FCSK: variants seen among roughly 807,000 people sequenced by gnomAD.
FCSK encodes the protein fucose kinase, also known as L-fucose kinase.
FCSK carries 123 observed loss-of-function variants against 122.5 expected under a neutral mutation model. The observed-to-expected ratio is 1.00, with a 90% CI of 0.87 to 1.17. The LOEUF (loss-of-function observed/expected upper bound fraction) is 1.17. FCSK is among the 50% of genes most tolerant of loss of function. FCSK has a pLI of 0.00. For synonymous variants in FCSK, 620 were observed against 625.5 expected (o/e 0.99, Z 0.13); for missense variants, 1,366 against 1,450.4 (o/e 0.94, Z 0.95).
In FCSK at chr16:70,474,574, C is replaced by T. The variant is rs1268349279; in HGVS notation, c.2035C>T (p.Gln679Ter). 2 of 1,559,896 alleles carry T rather than the reference C, an allele frequency of 1.3e-6. No homozygotes were observed. Among genetic ancestry groups the T allele is most frequent in the Non-Finnish European group, 1.7e-6 (2 of 1,151,904 alleles). The change falls in exon 17 of 24, where the codon CAG (glutamine) becomes TAG (stop). Residue 679 changes from glutamine (Q) to a stop codon, truncating the protein, a stop_gained. Transcript: ENST00000288078. LOFTEE classifies it high-confidence loss of function. ...GGCCCGCCACTATGAGGGGGCTGGT[C>T]AGATCCTGATCCGCCAGGCTGTGAT... Reference protein sequence around the residue: ...RAARHYEGAGQILIRQAVMSA... With the variant: ...RAARHYEGAG
Position 70,471,053 on chromosome 16 carries a change from T to C in FCSK, c.1151T>C (p.Leu384Pro), listed in dbSNP as rs1449592189. ...GPVQLGPGSV[L>P]QHCHLQGPIH... ...GTCCAGCTGGGTCCTGGGAGCGTCCTGCAGCACTGCCACCTGCAGGTGAGG... is the reference window on the plus strand; with the variant it reads ...GTCCAGCTGGGTCCTGGGAGCGTCCCGCAGCACTGCCACCTGCAGGTGAGG... The change falls in exon 12 of 24, where the codon CTG becomes CCG. Residue 384 changes from leucine to proline, a missense_variant. By Grantham distance (98) the Leu-to-Pro change is moderately conservative. Coordinates refer to ENST00000288078, the MANE Select transcript of FCSK (RefSeq NM_145059.3). The C allele has an allele frequency of 1.9e-6, 3 of 1,602,088 alleles. No individual in the cohort carries two copies. The highest frequency in any genetic ancestry group is 2.7e-5 in the African/African-American group (2 of 74,996).
At chr16:70,467,239 A>G (rs1382248486) in intron 6 of FCSK, 135 bp from the exon 7 acceptor site, 4 of 653,690 alleles carry the variant, frequency 6.1e-6, no homozygotes, top group Non-Finnish European at 1.1e-5. Flanking sequence ...GCGAATGTCC[A>G]TTTGGCTTGG....
chr16:70,478,210 T>G, intron 20 of FCSK, 62 bp from the exon 21 acceptor site: 1 of 1,563,294 alleles, frequency 6.4e-7, no homozygotes, highest in Non-Finnish European at 8.7e-7. Flanking sequence ...GCCGGGAGCC[T>G]AGGCTGGGAG....
chr16:70,456,160 C>T (rs554635806), intron 1 of FCSK, among the ~76,000 whole-genome samples: 32 of 152,286 alleles, frequency 2.1e-4, no homozygotes, highest in African/African-American at 7.2e-4. Context: ...GTGACAGAGC[C>T]GGACCCTGTT....
chr16:70,479,069 C>A, intron 22 of FCSK, 111 bp from the exon 23 acceptor site: 1 of 859,558 alleles, frequency 1.2e-6, no homozygotes, highest in South Asian at 1.6e-5. Flanking sequence ...TGGAATCCGG[C>A]TTCTTTACCA....
chr16:70,472,810 T>G (rs573877929), intron 14 of FCSK, among the ~76,000 whole-genome samples, 173 bp from the exon 15 acceptor site: 1 of 152,268 alleles, frequency 6.6e-6, no homozygotes, highest in East Asian at 1.9e-4. Flanking sequence ...GGCTTTCTTG[T>G]TCAATGGTCT....
In FCSK at chr16:70,473,730, G is replaced by A. The variant is rs932762387; in HGVS notation, c.1777+377G>A. Among the ~76,000 whole-genome samples, 1 of 152,168 alleles carries A rather than the reference G, an allele frequency of 6.6e-6. No homozygotes were observed. The highest frequency in any genetic ancestry group is 2.4e-5 in the African/African-American group (1 of 41,444). ...TGCATGAGGTCCCAAGCACACTTCC[G>A]GGGGCTCACAGCCTTAGCCTCCTAG... is the stretch of plus-strand genomic sequence containing the variant. On this transcript the variant is annotated intron_variant, in intron 15 of 23. Transcript: ENST00000288078. The surrounding 1 kb of genome is among the most constrained non-coding windows in gnomAD (Gnocchi z 4.9).
intron 3 of FCSK, among the ~76,000 whole-genome samples, chr16:70,464,855 G>A (rs1291310777): frequency 3.9e-5 from 6 of 152,132 alleles, no homozygotes; most frequent in Non-Finnish European, 1.5e-5. Flanking sequence ...TCCAGACTGG[G>A]TGACAGAGTG....
In FCSK at chr16:70,461,637, C is replaced by T. The variant is rs1479397433; in HGVS notation, c.-22-1532C>T. On this transcript the variant is annotated intron_variant, in intron 1 of 23. Transcript: ENST00000288078. ...CTGCAGCTCTGAGTGCATATGCGCT[C>T]CCCACAGCTGCCCCCTTCTCCGGGG... Among the ~76,000 whole-genome samples, 5 of 152,156 alleles carry T rather than the reference C, an allele frequency of 3.3e-5. 1 individual carries two copies. In the East Asian group the frequency reaches 9.6e-4, roughly 29 times the overall value.
Position 70,474,322 on chromosome 16 carries a change from G to A in FCSK, c.1971G>A (p.Arg657=), listed in dbSNP as rs1194365274. ...AAGVEALAQE[R]DKWLSRPALL... is the part of the protein sequence containing the mutation. ...GCGTGGAGGCGCTTGCCCAGGAGAGGGACAAGTGGCTAAGCAGGTGTGTAC... is the reference window on the plus strand; with the variant it reads ...GCGTGGAGGCGCTTGCCCAGGAGAGAGACAAGTGGCTAAGCAGGTGTGTAC... Residue 657 remains arginine (R), a synonymous_variant, in exon 16 of 24, where the codon AGG becomes AGA. Transcript: ENST00000288078. 1 of 1,613,492 alleles carries A rather than the reference G, an allele frequency of 6.2e-7. No homozygotes were observed. Among genetic ancestry groups the A allele is most frequent in the Non-Finnish European group, 8.5e-7 (1 of 1,179,918 alleles).
In FCSK at chr16:70,460,551, C is replaced by T. The variant is rs186953618; in HGVS notation, c.-22-2618C>T. On this transcript the variant is annotated intron_variant, in intron 1 of 23. Transcript: ENST00000288078. ...TCCTGAGTAGCTGGGACTACAGGCA[C>T]GTGCCACCACATCTGGCTAATTTTT... Among the ~76,000 whole-genome samples the T allele has an allele frequency of 3.1e-4, 47 of 151,894 alleles. 2 individuals are homozygous for T. The highest frequency in any genetic ancestry group is 8.8e-5 in the Non-Finnish European group (6 of 68,018).
Position 70,479,399 on chromosome 16 carries a change from C to A in FCSK, c.3149C>A (p.Thr1050Asn). The change falls in exon 23 of 24, where the codon ACC becomes AAC. Residue 1050 changes from threonine to asparagine, a missense_variant. Transcript: ENST00000288078. ...KEALEAVLAK[T>N]EGLGNYSIHL... ...GCCTTGGAGGCGGTGCTGGCCAAGA[C>A]CGAGGTACTGATGGGGCTGGGGTTG... 1.2e-6 allele frequency: 2 copies of A among 1,612,462 alleles called. No homozygotes were observed. The highest frequency in any genetic ancestry group is 8.5e-7 in the Non-Finnish European group (1 of 1,179,404).
At chr16:70,471,490 G>C (rs1039451096) in intron 13 of FCSK, 138 bp downstream of exon 13, 14 of 882,922 alleles carry the variant, frequency 1.6e-5, no homozygotes, top group Non-Finnish European at 2.2e-5. Context: ...GATGTAGGGA[G>C]GAGAGAATGA....
chr16:70,463,908 G>C (rs2048339711), intron 3 of FCSK, 134 bp downstream of exon 3: 1 of 984,952 alleles, frequency 1.0e-6, no homozygotes, highest in Non-Finnish European at 1.5e-6. Flanking sequence ...TCTGTAAATT[G>C]GGCGGACTCA....
intron 17 of FCSK, 45 bp downstream of exon 17, chr16:70,474,739 G>T: frequency 1.3e-6 from 2 of 1,562,204 alleles, no homozygotes; most frequent in Non-Finnish European, 1.7e-6. Context: ...CTGCCCCAGA[G>T]CCAGGCTGGC....
rs772040460 is a variant in FCSK at position 70,473,237 on chromosome 16, C to A, written c.1661C>A (p.Ala554Asp). The change falls in exon 15 of 24, where the codon GCC (alanine) becomes GAC (aspartate). Residue 554 changes from alanine to aspartate, a missense_variant. Transcript: ENST00000288078. This position sits in a 1 kb window ranked among gnomAD's most constrained non-coding sequence, Gnocchi z 4.9. ...ASRRDLFFRQALHKARHVLEA... is the reference protein window; with the variant it reads ...ASRRDLFFRQDLHKARHVLEA... ...CGCCGGGACCTGTTCTTCCGCCAGG[C>A]CCTGCATAAGGCGCGGCACGTGCTG... 11 of 1,535,204 alleles carry A rather than the reference C, an allele frequency of 7.2e-6. No individual in the cohort carries two copies. Among genetic ancestry groups the A allele is most frequent in the Non-Finnish European group, 8.7e-6 (10 of 1,145,634 alleles).
intron 22 of FCSK, 177 bp downstream of exon 22, chr16:70,478,827 A>C (rs1597644827): frequency 1.4e-6 from 1 of 713,298 alleles, no homozygotes; most frequent in Non-Finnish European, 2.5e-6. Flanking sequence ...GCTACATCTG[A>C]GGACAAAATT....
chr16:70,462,630 C>T (rs17879665), intron 1 of FCSK, among the ~76,000 whole-genome samples: 12,328 of 150,906 alleles, frequency 0.082, 1,677 homozygotes, highest in African/African-American at 0.28. Flanking sequence ...CTGGCCTGTT[C>T]GACATTTTTT....
Position 70,473,491 on chromosome 16 carries a change from G to C in FCSK, c.1777+138G>C. On this transcript the variant is annotated intron_variant, in intron 15 of 23. Transcript: ENST00000288078. This position sits in a 1 kb window ranked among gnomAD's most constrained non-coding sequence, Gnocchi z 4.9. Reference sequence around the variant, plus strand: ...AGGGGCATGCTGGAGTTTACTTTTAGGATTCTGGAAGGCCTCATCCTTGTC... The same window carrying C: ...AGGGGCATGCTGGAGTTTACTTTTACGATTCTGGAAGGCCTCATCCTTGTC... 1 of 1,118,142 alleles carries C rather than the reference G, an allele frequency of 8.9e-7. No homozygotes were observed. The highest frequency in any genetic ancestry group is 1.2e-6 in the Non-Finnish European group (1 of 819,370). 69.3% of individuals were successfully genotyped at this position (1,118,142 alleles called of 1,614,324 possible).
Sources: allele counts gnomAD v4.1 joint callset (sites outside exome capture counted in the v4.1 genomes callset), GRCh38; gene constraint gnomAD v4.1.1; non-coding constraint Gnocchi (gnomAD v3.1); transcripts MANE v1.5; gene names NCBI Gene and HGNC (gene_info 2026-07-23, HGNC 2026-07-21).